DSCAM: variants seen among roughly 807,000 people sequenced by gnomAD.
DSCAM encodes cell adhesion molecule DSCAM.
In DSCAM, 47 loss-of-function variants were observed where a neutral mutation model predicts 217.7. That is an observed-to-expected ratio of 0.22 (90% CI 0.17 to 0.28). The LOEUF is 0.28. Ranked by LOEUF, DSCAM falls within the 10% of genes least tolerant of loss-of-function variation. DSCAM has a pLI of 1.00. For missense variants in DSCAM, 2,080 were observed against 2,618.3 expected, an observed-to-expected ratio of 0.79 and a Z score of 4.49; for synonymous variants, 1,056 against 1,015.3, an observed-to-expected ratio of 1.04 and a Z score of -0.76.
chr21:40,356,658 G>T (rs912863333), intron 4 of DSCAM, among the ~76,000 whole-genome samples: 5 of 152,152 alleles, frequency 3.3e-5, no homozygotes, highest in Admixed American at 6.5e-5. Flanking sequence ...TTTGGACTTT[G>T]AAATCATATT....
At chr21:40,621,469 C>G (rs180974251) in intron 3 of DSCAM, 3 of 152,216 alleles carry the variant, frequency 2.0e-5, no homozygotes, top group Non-Finnish European at 4.4e-5. Flanking sequence ...ACTGGAGAGG[C>G]TTGAGGATCA....
intron 1 of DSCAM, among the ~76,000 whole-genome samples, chr21:40,777,728 A>T (rs2091501591): frequency 6.6e-6 from 1 of 152,212 alleles, no homozygotes; most frequent in South Asian, 2.1e-4. Context: ...AAAATCATTA[A>T]AAAGATACAA....
At chr21:40,065,570 A>T (rs2089194910) in intron 27 of DSCAM, among the ~76,000 whole-genome samples, 2 of 152,290 alleles carry the variant, frequency 1.3e-5, no homozygotes, top group South Asian at 4.1e-4. Flanking sequence ...CTCTGTCTGC[A>T]TGAATCCAGA....
At chr21:40,325,205 G>A (rs1015445568) in intron 8 of DSCAM, among the ~76,000 whole-genome samples, 1 of 152,104 alleles carries the variant, frequency 6.6e-6, no homozygotes, top group African/African-American at 2.4e-5. Flanking sequence ...GTATAAAAAG[G>A]TAGTCAATAT....
chr21:40,597,438 A>C (rs2077029161), intron 3 of DSCAM, among the ~76,000 whole-genome samples: 1 of 150,024 alleles, frequency 6.7e-6, no homozygotes, highest in South Asian at 2.1e-4. Flanking sequence ...TCATGGTTCT[A>C]AATCAAAGTT....
At chr21:40,482,218 C>T (rs2075989273) in intron 3 of DSCAM, among the ~76,000 whole-genome samples, 1 of 152,196 alleles carries the variant, frequency 6.6e-6, no homozygotes, top group Non-Finnish European at 1.5e-5. Flanking sequence ...CCCTACATTT[C>T]ATAATTTTAA....
At chr21:40,823,098 C>T (rs961505687) in intron 1 of DSCAM, among the ~76,000 whole-genome samples, 7 of 151,840 alleles carry the variant, frequency 4.6e-5, no homozygotes, top group East Asian at 3.9e-4. Context: ...TGCCGTGAGC[C>T]GAAATTGTGC....
At chr21:40,692,137 C>T (rs1244902406) in intron 3 of DSCAM, among the ~76,000 whole-genome samples, 1 of 152,190 alleles carries the variant, frequency 6.6e-6, no homozygotes, top group East Asian at 1.9e-4. Flanking sequence ...AGTCATTATC[C>T]AAGGATGTAA....
At chr21:40,459,443 T>G (rs1047788406) in intron 3 of DSCAM, among the ~76,000 whole-genome samples, 1 of 152,204 alleles carries the variant, frequency 6.6e-6, no homozygotes, top group Admixed American at 6.5e-5. Flanking sequence ...ATGGTAAAGA[T>G]AATTCAGTGA....
At chr21:40,726,620 A>G (rs1415793128) in intron 1 of DSCAM, among the ~76,000 whole-genome samples, 1 of 152,112 alleles carries the variant, frequency 6.6e-6, no homozygotes, top group Non-Finnish European at 1.5e-5. Context: ...TCTAATTCCA[A>G]TCATGATCAG....
intron 1 of DSCAM, among the ~76,000 whole-genome samples, chr21:40,800,562 T>G (rs13050857): frequency 0.22 from 33,834 of 152,062 alleles, 5,068 homozygotes; most frequent in African/African-American, 0.43. Context: ...AACAAGGTAT[T>G]GAAATTTTGA....
intron 3 of DSCAM, among the ~76,000 whole-genome samples, chr21:40,505,281 T>C (rs1171817398): frequency 6.6e-6 from 1 of 152,192 alleles, no homozygotes; most frequent in African/African-American, 2.4e-5. Context: ...AATGACAATT[T>C]TTTTGTTGTT....
Position 40,766,688 on chromosome 21 carries a change from AC to A in DSCAM, c.44-57918del, listed in dbSNP as rs1387103549. On this transcript the variant is annotated intron_variant, in intron 1 of 32. Transcript: ENST00000400454. ...CAATTCCAAAAAAAAAAAAAAAAAA[AC>A]AACTTTTTTTTTTTTTTTGAGGCAG... Among the ~76,000 whole-genome samples, 60 of 112,582 alleles carry A rather than the reference AC, an allele frequency of 5.3e-4. 1 individual carries two copies. Among genetic ancestry groups the A allele is most frequent in the South Asian group, 9.7e-4 (3 of 3,080 alleles). The allele number at this position is 112,582 out of a possible 152,430, so 73.9% of individuals were successfully genotyped here. A position where few individuals can be genotyped will look rare whatever the true frequency, so the allele number is the denominator to read the frequency against.
chr21:40,677,635 C>T (rs1323916947), intron 3 of DSCAM, among the ~76,000 whole-genome samples: 2 of 152,086 alleles, frequency 1.3e-5, no homozygotes, highest in Non-Finnish European at 2.9e-5. Context: ...CCCTGCCTCC[C>T]AAAATTCATA....
At chr21:40,148,960 C>A (rs778892654) in intron 16 of DSCAM, among the ~76,000 whole-genome samples, 44 of 152,174 alleles carry the variant, frequency 2.9e-4, no homozygotes, top group Non-Finnish European at 6.2e-4. Flanking sequence ...ACCTCCACTA[C>A]TTCCATCATC....
At chr21:40,464,942 C>T (rs1044487911) in intron 3 of DSCAM, among the ~76,000 whole-genome samples, 24 of 151,966 alleles carry the variant, frequency 1.6e-4, no homozygotes, top group African/African-American at 4.8e-4. Context: ...GGTTTCACCA[C>T]GTTGGCTAGG....
intron 3 of DSCAM, among the ~76,000 whole-genome samples, chr21:40,515,696 T>C (rs927384060): frequency 6.6e-6 from 1 of 152,160 alleles, no homozygotes. Flanking sequence ...AGGGCAAAGA[T>C]TCAACTTTAT....
At chr21:40,479,919 C>T (rs1357762836) in intron 3 of DSCAM, among the ~76,000 whole-genome samples, 1 of 152,094 alleles carries the variant, frequency 6.6e-6, no homozygotes, top group African/African-American at 2.4e-5. Flanking sequence ...CATGTACGCA[C>T]ACACAAACTC....
chr21:40,586,834 A>G (rs1365873651), intron 3 of DSCAM, among the ~76,000 whole-genome samples: 2 of 152,206 alleles, frequency 1.3e-5, no homozygotes, highest in African/African-American at 4.8e-5. Context: ...CTAACAACAC[A>G]ATATGACAGT....
Sources: allele counts gnomAD v4.1 joint callset (sites outside exome capture counted in the v4.1 genomes callset), GRCh38; gene constraint gnomAD v4.1.1; transcripts MANE v1.5; gene names NCBI Gene and HGNC (gene_info 2026-07-23, HGNC 2026-07-21).